GDA: variants seen among roughly 807,000 people sequenced by gnomAD.
GDA encodes the protein cytoplasmic PSD-95 interactor.
GDA carries 18 observed loss-of-function variants against 59.6 expected under a neutral mutation model. That is an observed-to-expected ratio of 0.30 (90% CI 0.21 to 0.45). The LOEUF is 0.45. Ranked by LOEUF, GDA falls within the 20% of genes least tolerant of loss-of-function variation. GDA has a pLI of 1.00. For synonymous variants in GDA, 201 were observed against 201.1 expected (o/e 1.00, Z 0.00); for missense variants, 427 against 552.3 (o/e 0.77, Z 2.27).
At chr9:72,223,297 T>A in intron 7 of GDA, 70 bp downstream of exon 7, 1 of 815,356 alleles carries the variant, frequency 1.2e-6, no homozygotes, top group Non-Finnish European at 2.1e-6. Context: ...TAAATCATCA[T>A]TTCCAATAAT....
intron 1 of GDA, among the ~76,000 whole-genome samples, chr9:72,183,669 A>G (rs756682686): frequency 3.3e-5 from 5 of 152,164 alleles, no homozygotes; most frequent in Non-Finnish European, 7.3e-5. Flanking sequence ...CTGTGCCTCA[A>G]TTTTATCCTC....
chr9:72,130,857 A>G (rs922497344), intron 1 of GDA, among the ~76,000 whole-genome samples: 1 of 152,190 alleles, frequency 6.6e-6, no homozygotes, highest in Admixed American at 6.5e-5. Flanking sequence ...ACAAACACTC[A>G]GGGGTTTCCA....
At chr9:72,209,856 T>C (rs528048642) in intron 3 of GDA, among the ~76,000 whole-genome samples, 5 of 152,300 alleles carry the variant, frequency 3.3e-5, no homozygotes, top group African/African-American at 1.2e-4. Context: ...TGCCAGGAGT[T>C]GTGGGAGTAG....
At chr9:72,219,099 T>A (rs1461630763) in intron 5 of GDA, among the ~76,000 whole-genome samples, 4 of 152,106 alleles carry the variant, frequency 2.6e-5, no homozygotes, top group Non-Finnish European at 5.9e-5. Context: ...TTTATCTTTT[T>A]AAAATGTTTA....
Position 72,249,934 on chromosome 9 carries a change from C to T in GDA, c.*1592C>T, listed in dbSNP as rs542622695. 1.3e-5 allele frequency: 12 copies of T among 949,818 alleles called. No homozygotes were observed. In the Admixed American group the frequency reaches 4.9e-4, roughly 39 times the overall value. The allele number at this position is 949,818 out of a possible 1,614,324, so 58.8% of individuals were successfully genotyped here. A position where few individuals can be genotyped will look rare whatever the true frequency, so the allele number is the denominator to read the frequency against. On this transcript the variant is annotated 3_prime_UTR_variant, in exon 14 of 14. Transcript: ENST00000358399. Reference sequence around the variant, plus strand: ...CCCAGTTTTTTCCCTAATAGAAATACTTTTAGATTTGATTATGTATACATG... The same window carrying T: ...CCCAGTTTTTTCCCTAATAGAAATATTTTTAGATTTGATTATGTATACATG...
chr9:72,214,044 C>A, intron 5 of GDA, 53 bp downstream of exon 5: 1 of 998,452 alleles, frequency 1.0e-6, no homozygotes, highest in Middle Eastern at 2.1e-4. Flanking sequence ...CTGTGCTGCA[C>A]TGATGGAGTT....
At chr9:72,225,882 A>G in intron 8 of GDA, 98 bp downstream of exon 8, 1 of 597,914 alleles carries the variant, frequency 1.7e-6, no homozygotes, top group South Asian at 2.5e-5. Flanking sequence ...ATATGAATAC[A>G]TTTCTTTAAA....
intron 1 of GDA, among the ~76,000 whole-genome samples, chr9:72,187,290 T>C (rs1010310422): frequency 6.6e-6 from 1 of 152,228 alleles, no homozygotes; most frequent in Non-Finnish European, 1.5e-5. Flanking sequence ...GATTAGGCCG[T>C]GAGGACAGAG....
In GDA at chr9:72,149,587, G is replaced by T. The variant is rs1431180804; in HGVS notation, c.28G>T (p.Ala10Ser). 1 of 1,611,646 alleles carries T rather than the reference G, an allele frequency of 6.2e-7. No homozygotes were observed. The highest frequency in any genetic ancestry group is 1.1e-5 in the South Asian group (1 of 91,020). MCAAQMPPLAHIFRGTFVHS... is the reference protein window; with the variant it reads MCAAQMPPLSHIFRGTFVHS... ...GTGTGCCGCTCAGATGCCGCCCCTGGCGCACATCTTCCGAGGGACGTTCGT... is the reference window on the plus strand; with the variant it reads ...GTGTGCCGCTCAGATGCCGCCCCTGTCGCACATCTTCCGAGGGACGTTCGT... Residue 10 changes from alanine to serine, a missense_variant, in exon 1 of 14, where the codon GCG (alanine) becomes TCG (serine). Transcript: ENST00000358399.
intron 1 of GDA, among the ~76,000 whole-genome samples, chr9:72,141,832 G>T (rs1296949880): frequency 6.6e-6 from 1 of 152,088 alleles, no homozygotes; most frequent in Non-Finnish European, 1.5e-5. Flanking sequence ...CATGCCCTAG[G>T]TCTCAGTTAT....
intron 10 of GDA, among the ~76,000 whole-genome samples, chr9:72,239,045 C>T (rs1433466516): frequency 1.3e-5 from 2 of 152,044 alleles, no homozygotes; most frequent in East Asian, 3.9e-4. Context: ...GTGCCTCTAG[C>T]CATATGACAA....
intron 1 of GDA, among the ~76,000 whole-genome samples, chr9:72,193,362 G>A (rs1832781830): frequency 6.6e-6 from 1 of 152,252 alleles, no homozygotes; most frequent in African/African-American, 2.4e-5. Context: ...GTAATAGTGT[G>A]GTTCTTGCAG....
At position 72,227,652 on chromosome 9, in the gene GDA, T is replaced by C. The variant is rs1032687863; in HGVS notation, c.823-291T>C. On this transcript the variant is annotated intron_variant, in intron 8 of 13. Coordinates refer to ENST00000358399, the MANE Select transcript of GDA (RefSeq NM_004293.5). The stretch of plus-strand genomic sequence containing the variant: ...TTATCTTCCATCTGGATGGATATTC[T>C]GTGCTGTAGATCACCTGGACCAAAC... Among the ~76,000 whole-genome samples, 8 of 152,200 alleles carry C rather than the reference T, an allele frequency of 5.3e-5. No homozygotes were observed. The East Asian group carries it at 1.3e-3, about 26-fold the overall frequency.
chr9:72,164,793 C>A (rs1398139368), intron 1 of GDA, among the ~76,000 whole-genome samples: 1 of 151,332 alleles, frequency 6.6e-6, no homozygotes, highest in African/African-American at 2.4e-5. Context: ...ACCATCCTGG[C>A]TAACATGGTG....
Position 72,180,272 on chromosome 9 carries a change from G to A in GDA, c.124-15228G>A, listed in dbSNP as rs561876455. Among the ~76,000 whole-genome samples, 27 of 152,186 alleles carry A rather than the reference G, an allele frequency of 1.8e-4. No homozygotes were observed. In the East Asian group the frequency reaches 5.2e-3, roughly 29 times the overall value. ...CTGAGGAGGCTGAGGCAAGAGAATCGCTTGAACCCGGGAGGCAGAGGTTGC... is the reference window on the plus strand; with the variant it reads ...CTGAGGAGGCTGAGGCAAGAGAATCACTTGAACCCGGGAGGCAGAGGTTGC... On this transcript the variant is annotated intron_variant, in intron 1 of 13. Transcript: ENST00000358399.
At chr9:72,238,067 G>C (rs183543845) in intron 10 of GDA, among the ~76,000 whole-genome samples, 2 of 152,190 alleles carry the variant, frequency 1.3e-5, no homozygotes, top group Non-Finnish European at 2.9e-5. Flanking sequence ...AGTGTGTAAG[G>C]CTCATTACAA....
intron 1 of GDA, among the ~76,000 whole-genome samples, chr9:72,183,455 A>G (rs1831501664): frequency 6.6e-6 from 1 of 152,164 alleles, no homozygotes. Flanking sequence ...GGCTATATGA[A>G]TGGAAGGAAA....
chr9:72,157,701 T>C (rs991163925), intron 1 of GDA, among the ~76,000 whole-genome samples: 6 of 152,214 alleles, frequency 3.9e-5, no homozygotes, highest in Non-Finnish European at 8.8e-5. Flanking sequence ...CCATGGGTAG[T>C]ATCATGTATC....
At chr9:72,149,334 C>T (rs1587344359), upstream of GDA, 2 of 542,208 alleles carry the variant, frequency 3.7e-6, no homozygotes, top group East Asian at 6.9e-5. Flanking sequence ...CACGGGAGCG[C>T]GGAGCCAACT....
Sources: gnomAD v4.1 joint callset for allele counts (sites outside exome capture counted in the v4.1 genomes callset) on GRCh38, gnomAD v4.1.1 for gene constraint, MANE v1.5 for transcripts, NCBI Gene and HGNC (gene_info 2026-07-23, HGNC 2026-07-21) for gene names.